The following SMAD2 variants were observed in gnomAD, a reference collection of about 807,000 sequenced individuals.
SMAD2 encodes SMAD family member 2, also known as MAD homolog 2.
SMAD2 carries 8 observed loss-of-function variants against 64.4 expected under a neutral mutation model. The ratio of observed to expected loss-of-function variants is 0.12; its 90% CI spans 0.07 to 0.22. The LOEUF (loss-of-function observed/expected upper bound fraction) is 0.22. Among genes scored for constraint, SMAD2 ranks in the 10% least tolerant of loss-of-function variants. The pLI is 1.00. For synonymous variants in SMAD2, 203 were observed against 195.8 expected (o/e 1.04, Z -0.31); for missense variants, 289 against 561.2 (o/e 0.51, Z 4.90).
rs16958485 is a variant in SMAD2 at position 47,832,295 on chromosome 18, A to G, written c.*9532T>C. On this transcript the variant is annotated 3_prime_UTR_variant, in exon 11 of 11. Coordinates refer to ENST00000262160, the MANE Select transcript of SMAD2 (RefSeq NM_005901.6). Reference sequence around the variant, plus strand: ...CAGGCAAAGCCAGGCTGAGGTGACAATGTAGAAGGATCTCGAGTCAGCCCT... The same window carrying G: ...CAGGCAAAGCCAGGCTGAGGTGACAGTGTAGAAGGATCTCGAGTCAGCCCT... The G allele has an allele frequency of 0.025, 3,832 of 152,310 alleles. 76 individuals are homozygous for G. The highest frequency in any genetic ancestry group is 0.056 in the South Asian group (269 of 4,820). 9.4% of individuals were successfully genotyped at this position (152,310 alleles called of 1,614,324 possible). A position where few individuals can be genotyped will look rare whatever the true frequency, so the allele number is the denominator to read the frequency against.
At chr18:47,845,194 G>A (rs774241762) in intron 10 of SMAD2, 146 bp downstream of exon 10, 2 of 808,892 alleles carry the variant, frequency 2.5e-6, no homozygotes, top group African/African-American at 1.7e-5. Flanking sequence ...TTTTGAATTT[G>A]GAGGCCTCCA....
intron 1 of SMAD2, among the ~76,000 whole-genome samples, chr18:47,921,366 A>G (rs974602321): frequency 6.6e-6 from 1 of 152,234 alleles, no homozygotes; most frequent in African/African-American, 2.4e-5. Flanking sequence ...TAGTAAAGCT[A>G]CTTGCCTTTG....
chr18:47,851,579 T>C lies in SMAD2; in HGVS notation c.731-252A>G, dbSNP rs193184109. ...CCAACAGTTCATCTTCCCAAAGATA[T>C]CTAATATTGACGGTTCCTTGGGTAT... is the stretch of plus-strand genomic sequence containing the variant. On this transcript the variant is annotated intron_variant, in intron 6 of 10. Transcript: ENST00000262160. Among the ~76,000 whole-genome samples, 275 of 152,180 alleles carry C rather than the reference T, an allele frequency of 1.8e-3. 1 individual carries two copies. Among genetic ancestry groups the C allele is most frequent in the Admixed American group, 2.7e-3 (41 of 15,288 alleles).
In SMAD2 at chr18:47,820,843, C is replaced by T. The variant is rs1007142451; in HGVS notation, c.*20984G>A. On this transcript the variant is annotated 3_prime_UTR_variant, in exon 11 of 11. Coordinates refer to ENST00000262160, the MANE Select transcript of SMAD2 (RefSeq NM_005901.6). ...GTACAATAATACAGTATATTCTATA[C>T]ATATGCTATATATTTGTATATACAC... The T allele has an allele frequency of 1.3e-5, 2 of 150,702 alleles. No homozygotes were observed. The highest frequency in any genetic ancestry group is 2.5e-5 in the African/African-American group (1 of 40,722). The allele number at this position is 150,702 out of a possible 1,614,324, so 9.3% of individuals were successfully genotyped here. A position where few individuals can be genotyped will look rare whatever the true frequency, so the allele number is the denominator to read the frequency against.
intron 1 of SMAD2, among the ~76,000 whole-genome samples, chr18:47,906,142 G>GA (rs920391501): frequency 3.9e-4 from 56 of 145,274 alleles, no homozygotes; most frequent in East Asian, 2.6e-3. Context: ...AATAGAAAAA[G>GA]AAAAAAAAAA....
At chr18:47,845,089 CCT>C (rs1445690528) in intron 10 of SMAD2, 1 of 608,446 alleles carries the variant, frequency 1.6e-6, no homozygotes, top group Non-Finnish European at 2.9e-6. Context: ...CATATACACC[CCT>C]TTTATGATAT....
At chr18:47,882,041 C>CTT (rs71162900) in intron 2 of SMAD2, among the ~76,000 whole-genome samples, 466 of 38,856 alleles carry the variant, frequency 0.012, 132 homozygotes, top group Middle Eastern at 0.075. Flanking sequence ...CCACGCTTGG[C>CTT]TTTTTTTTTT....
At chr18:47,878,481 T>C (rs1010994723) in intron 2 of SMAD2, 11 of 152,066 alleles carry the variant, frequency 7.2e-5, no homozygotes, top group African/African-American at 2.4e-4. Flanking sequence ...AATTAAAAAA[T>C]TAGCCAGGCA....
At chr18:47,889,061 G>T (rs1375461410) in intron 2 of SMAD2, among the ~76,000 whole-genome samples, 1 of 151,852 alleles carries the variant, frequency 6.6e-6, no homozygotes, top group African/African-American at 2.4e-5. Flanking sequence ...AACAGGATCA[G>T]TAAACTCAAA....
intron 4 of SMAD2, 67 bp downstream of exon 4, chr18:47,869,176 G>T (rs1279842646): frequency 2.6e-6 from 3 of 1,149,218 alleles, no homozygotes; most frequent in Non-Finnish European, 3.9e-6. Context: ...GGTCACAAGA[G>T]TACTTAAATA....
Position 47,828,327 on chromosome 18 carries a change from G to A in SMAD2, c.*13500C>T, listed in dbSNP as rs191780318. On this transcript the variant is annotated 3_prime_UTR_variant, in exon 11 of 11. Coordinates refer to ENST00000262160, the MANE Select transcript of SMAD2 (RefSeq NM_005901.6). ...GTTCGGGAGGTGGGGGGCAGCCCCCGGCCAGCATCCACCCCGTCCGGGAGG... is the reference window on the plus strand; with the variant it reads ...GTTCGGGAGGTGGGGGGCAGCCCCCAGCCAGCATCCACCCCGTCCGGGAGG... 8.1e-3 allele frequency: 1,223 copies of A among 150,610 alleles called. 10 individuals are homozygous for A. Among genetic ancestry groups the A allele is most frequent in the Middle Eastern group, 0.016 (4 of 248 alleles). 9.3% of individuals were successfully genotyped at this position (150,610 alleles called of 1,614,324 possible).
In SMAD2 at chr18:47,833,179, G is replaced by A. The variant is rs964581580; in HGVS notation, c.*8648C>T. 4.8e-6 allele frequency: 1 copy of A among 206,676 alleles called. No individual in the cohort carries two copies. Among genetic ancestry groups the A allele is most frequent in the South Asian group, 1.9e-4 (1 of 5,284 alleles). 12.8% of individuals were successfully genotyped at this position (206,676 alleles called of 1,614,324 possible). A position where few individuals can be genotyped will look rare whatever the true frequency, so the allele number is the denominator to read the frequency against. ...AACGGTGACAGGGCTGTTAACACAG[G>A]TAAGAGCAAACAAGGTAAAAAGTGA... On this transcript the variant is annotated 3_prime_UTR_variant, in exon 11 of 11. Transcript: ENST00000262160.
rs1912330233 is a variant in SMAD2 at position 47,815,280 on chromosome 18, G to C, written c.*26547C>G. On this transcript the variant is annotated 3_prime_UTR_variant, in exon 11 of 11. Transcript: ENST00000262160. ...CTCGTCCCACACCTTCCCAAAACCA[G>C]ATGGGATGCATGAGAAATTGATGTG... 1 of 152,234 alleles carries C rather than the reference G, an allele frequency of 6.6e-6. No homozygotes were observed. The highest frequency in any genetic ancestry group is 2.4e-5 in the African/African-American group (1 of 41,460). 9.4% of individuals were successfully genotyped at this position (152,234 alleles called of 1,614,324 possible).
Position 47,810,689 on chromosome 18 carries a change from C to G in SMAD2, c.*31138G>C, listed in dbSNP as rs535832490. The G allele has an allele frequency of 6.6e-6, 1 of 152,158 alleles. No homozygotes were observed. Among genetic ancestry groups the G allele is most frequent in the Non-Finnish European group, 1.5e-5 (1 of 68,060 alleles). 9.4% of individuals were successfully genotyped at this position (152,158 alleles called of 1,614,324 possible). A position where few individuals can be genotyped will look rare whatever the true frequency, so the allele number is the denominator to read the frequency against. On this transcript the variant is annotated 3_prime_UTR_variant, in exon 11 of 11. Transcript: ENST00000262160. ...GTGGCTCATGCCTGTAATCCCAACA[C>G]GTTGGGAGGCTGAGGTGGGAGGATC...
chr18:47,857,486 T>A (rs903883600), intron 6 of SMAD2, among the ~76,000 whole-genome samples: 1 of 152,316 alleles, frequency 6.6e-6, no homozygotes, highest in East Asian at 1.9e-4. Flanking sequence ...TTATAGTTAG[T>A]ATGTAGAAGA....
At chr18:47,900,790 TTCAA>T (rs1417372661) in intron 1 of SMAD2, among the ~76,000 whole-genome samples, 1 of 152,190 alleles carries the variant, frequency 6.6e-6, no homozygotes, top group Non-Finnish European at 1.5e-5. Context: ...CACCTTCATT[TTCAA>T]TCAGTTTAAA....
At position 47,850,627 on chromosome 18, in the gene SMAD2, T is replaced by TA. The variant is rs1402701941; in HGVS notation, c.784+646dup. Among the ~76,000 whole-genome samples, 3 of 37,810 alleles carry TA rather than the reference T, an allele frequency of 7.9e-5. 1 individual carries two copies. The highest frequency in any genetic ancestry group is 2.1e-4 in the African/African-American group (2 of 9,574). 24.8% of individuals were successfully genotyped at this position (37,810 alleles called of 152,430 possible). A position where few individuals can be genotyped will look rare whatever the true frequency, so the allele number is the denominator to read the frequency against. On this transcript the variant is annotated intron_variant, in intron 7 of 10. Transcript: ENST00000262160. Reference sequence around the variant, plus strand: ...TGTATAATATATATTATATATTATATATATATTATATATATTATGTATAAT... The same window carrying TA: ...TGTATAATATATATTATATATTATATAATATATTATATATATTATGTATAAT...
At chr18:47,859,084 G>A (rs1304392751) in intron 6 of SMAD2, among the ~76,000 whole-genome samples, 1 of 152,044 alleles carries the variant, frequency 6.6e-6, no homozygotes, top group African/African-American at 2.4e-5. Context: ...TAAGAAAGAA[G>A]ATATGGTGAT....
chr18:47,837,580 C>A lies in SMAD2; in HGVS notation c.*4247G>T, dbSNP rs76765089. 0.064 allele frequency: 11,344 copies of A among 177,218 alleles called. 652 individuals are homozygous for A. The highest frequency in any genetic ancestry group is 0.22 in the East Asian group (2,793 of 12,634). 11.0% of individuals were successfully genotyped at this position (177,218 alleles called of 1,614,324 possible). ...CCCTCTCAAAAAAAAAAAAAAAAAA[C>A]AAAAAACAAGGCTAACAAGAAAGAG... On this transcript the variant is annotated 3_prime_UTR_variant, in exon 11 of 11. Coordinates refer to ENST00000262160, the MANE Select transcript of SMAD2 (RefSeq NM_005901.6).
Sources: allele counts gnomAD v4.1 joint callset (sites outside exome capture counted in the v4.1 genomes callset), GRCh38; gene constraint gnomAD v4.1.1; transcripts MANE v1.5; gene names NCBI Gene and HGNC (gene_info 2026-07-23, HGNC 2026-07-21).